FRMD4A: variants seen among roughly 807,000 people sequenced by gnomAD.
FRMD4A encodes the protein FERM domain-containing protein 4A.
Under a neutral mutation model 129.1 loss-of-function variants are expected in FRMD4A, and 29 were observed. The ratio of observed to expected loss-of-function variants is 0.22; its 90% CI spans 0.17 to 0.31. The LOEUF (loss-of-function observed/expected upper bound fraction) is 0.31, where lower values mean the gene tolerates loss of function less well. FRMD4A is among the 10% of genes least tolerant of loss of function. The pLI, the probability that FRMD4A is intolerant of heterozygous loss-of-function variation, is 1.00. For missense variants in FRMD4A, 1,272 were observed against 1,375.8 expected (o/e 0.92, Z 1.19); for synonymous variants, 634 against 571.6 (o/e 1.11, Z -1.56).
At chr10:14,033,322 AT>A (rs967110161) in intron 2 of FRMD4A, among the ~76,000 whole-genome samples, 2 of 139,914 alleles carry the variant, frequency 1.4e-5, no homozygotes, top group Admixed American at 7.2e-5. Flanking sequence ...AAAAAAAAAA[AT>A]TATTTTAGAT....
At chr10:13,692,389 C>T (rs188219651) in intron 15 of FRMD4A, 2 of 152,308 alleles carry the variant, frequency 1.3e-5, no homozygotes, top group Admixed American at 1.3e-4. Context: ...CTCAGGTGAT[C>T]CACCTGCCTT....
intron 2 of FRMD4A, among the ~76,000 whole-genome samples, chr10:14,109,649 G>T (rs1405053315): frequency 6.6e-6 from 1 of 152,124 alleles, no homozygotes; most frequent in Non-Finnish European, 1.5e-5. Flanking sequence ...TCAATGTAAT[G>T]CCTAGAAGTT....
intron 2 of FRMD4A, among the ~76,000 whole-genome samples, chr10:13,884,186 A>ACC (rs1554956520): frequency 9.1e-6 from 1 of 109,598 alleles, no homozygotes; most frequent in East Asian, 2.9e-4. Flanking sequence ...TCACACACAC[A>ACC]CACACACACT....
intron 2 of FRMD4A, among the ~76,000 whole-genome samples, chr10:13,940,515 T>C (rs1229885044): frequency 6.6e-6 from 1 of 152,180 alleles, no homozygotes; most frequent in Admixed American, 6.5e-5. Context: ...AATATGGTCT[T>C]GTATTAAAAT....
intron 6 of FRMD4A, among the ~76,000 whole-genome samples, chr10:13,778,747 G>T (rs1453346171): frequency 1.3e-5 from 2 of 152,090 alleles, no homozygotes; most frequent in Non-Finnish European, 2.9e-5. Context: ...ACACCTCACA[G>T]ACAAGCGCAC....
At chr10:13,919,405 C>G (rs115282928) in intron 2 of FRMD4A, among the ~76,000 whole-genome samples, 1 of 151,920 alleles carries the variant, frequency 6.6e-6, no homozygotes, top group Non-Finnish European at 1.5e-5. Flanking sequence ...TTTGGCAGGG[C>G]GGGTCCAAGA....
chr10:14,203,747 G>A, intron 2 of FRMD4A, among the ~76,000 whole-genome samples: 1 of 152,168 alleles, frequency 6.6e-6, no homozygotes, highest in East Asian at 1.9e-4. Context: ...ATTGGGAGGG[G>A]AATTATGCTA....
At chr10:13,734,513 C>A (rs1426642168) in intron 12 of FRMD4A, among the ~76,000 whole-genome samples, 1 of 152,190 alleles carries the variant, frequency 6.6e-6, no homozygotes, top group Non-Finnish European at 1.5e-5. Flanking sequence ...CACTGTGTCC[C>A]CTACCCCTGT....
chr10:13,865,447 T>TATTTC (rs2094353854), intron 2 of FRMD4A, among the ~76,000 whole-genome samples: 1 of 147,014 alleles, frequency 6.8e-6, no homozygotes, highest in Non-Finnish European at 1.5e-5. Flanking sequence ...TATTTTATTT[T>TATTTC]ATTTTATTTT....
At chr10:13,837,635 T>A (rs757361252) in intron 3 of FRMD4A, among the ~76,000 whole-genome samples, 1 of 152,204 alleles carries the variant, frequency 6.6e-6, no homozygotes, top group Non-Finnish European at 1.5e-5. Flanking sequence ...TCAAGGTCCA[T>A]CTCATCTCTT....
intron 6 of FRMD4A, among the ~76,000 whole-genome samples, chr10:13,777,765 C>T (rs1292310111): frequency 6.7e-6 from 1 of 150,150 alleles, no homozygotes; most frequent in Non-Finnish European, 1.5e-5. Flanking sequence ...TTTCCCCAAG[C>T]GTCTGCCCAA....
chr10:14,252,515 C>T (rs530109870), intron 2 of FRMD4A, among the ~76,000 whole-genome samples: 1 of 152,250 alleles, frequency 6.6e-6, no homozygotes, highest in South Asian at 2.1e-4. Flanking sequence ...GGAGAATATG[C>T]CTCAATTTGG....
intron 13 of FRMD4A, among the ~76,000 whole-genome samples, chr10:13,702,539 C>CATAT (rs35626065): frequency 7.9e-6 from 1 of 126,422 alleles, no homozygotes; most frequent in Non-Finnish European, 1.6e-5. Context: ...TGTGTGTTTG[C>CATAT]ATGTGTGTGT....
At chr10:14,026,356 A>G (rs564782038) in intron 2 of FRMD4A, among the ~76,000 whole-genome samples, 1 of 152,360 alleles carries the variant, frequency 6.6e-6, no homozygotes, top group Admixed American at 6.5e-5. Context: ...AAAGATAAAG[A>G]AATGGACAAA....
At chr10:13,999,056 C>T (rs2095632757) in intron 2 of FRMD4A, among the ~76,000 whole-genome samples, 1 of 152,064 alleles carries the variant, frequency 6.6e-6, no homozygotes, top group South Asian at 2.1e-4. Flanking sequence ...GCTTGCCATC[C>T]CTCAAGTACA....
At chr10:13,847,779 A>G (rs987071468) in intron 3 of FRMD4A, among the ~76,000 whole-genome samples, 1 of 152,226 alleles carries the variant, frequency 6.6e-6, no homozygotes, top group Non-Finnish European at 1.5e-5. Flanking sequence ...CAAAATAATC[A>G]TTGACCACCT....
chr10:13,882,473 GT>G (rs1554955409), intron 2 of FRMD4A, among the ~76,000 whole-genome samples: 2 of 152,222 alleles, frequency 1.3e-5, no homozygotes, highest in Non-Finnish European at 2.9e-5. Flanking sequence ...GGTGGGACCA[GT>G]AATCACAAAG....
intron 2 of FRMD4A, among the ~76,000 whole-genome samples, chr10:13,946,485 T>C (rs752513856): frequency 1.3e-5 from 2 of 152,354 alleles, no homozygotes; most frequent in South Asian, 2.1e-4. Context: ...TCCCAAGTCA[T>C]GTACATGTGT....
intron 13 of FRMD4A, among the ~76,000 whole-genome samples, chr10:13,703,091 T>C (rs1589451628): frequency 6.6e-6 from 1 of 152,050 alleles, no homozygotes; most frequent in East Asian, 1.9e-4. Context: ...TGGAAATAAA[T>C]GAATGACTTT....
Sources: gnomAD v4.1 joint callset for allele counts (sites outside exome capture counted in the v4.1 genomes callset) on GRCh38, gnomAD v4.1.1 for gene constraint, MANE v1.5 for transcripts, NCBI Gene and HGNC (gene_info 2026-07-23, HGNC 2026-07-21) for gene names.